Variants in PEG3 observed in about 807,000 individuals in gnomAD.
PEG3 encodes the protein paternally-expressed gene 3 protein.
PEG3 carries 23 observed loss-of-function variants against 35.5 expected under a neutral mutation model. The observed-to-expected ratio is 0.65, with a 90% CI of 0.47 to 0.92. The LOEUF is 0.92. Ranked by LOEUF, PEG3 falls within the 40% of genes least tolerant of loss-of-function variation. The probability of loss-of-function intolerance (pLI) is 0.00; values close to 1 mark genes in which losing one functional copy is unlikely to be tolerated. For synonymous variants in PEG3, 707 were observed against 697.0 expected (o/e 1.01, Z -0.23); for missense variants, 1,960 against 1,985.3 (o/e 0.99, Z 0.24).
chr19:56,810,117 T>A lies in PEG3; in HGVS notation c.*3558A>T, dbSNP rs1435126344. The A allele has an allele frequency of 2.1e-6, 2 of 953,928 alleles. No homozygotes were observed. Among genetic ancestry groups the A allele is most frequent in the African/African-American group, 3.5e-5 (2 of 56,620 alleles). The allele number at this position is 953,928 out of a possible 1,614,324, so 59.1% of individuals were successfully genotyped here. A position where few individuals can be genotyped will look rare whatever the true frequency, so the allele number is the denominator to read the frequency against. ...ACTTTATTTTTATTGTTGACACTAT[T>A]ACAGATAGAATGACCACAACCATAT... On this transcript the variant is annotated 3_prime_UTR_variant, in exon 10 of 10. Coordinates refer to ENST00000326441, the MANE Select transcript of PEG3 (RefSeq NM_006210.3).
intron 2 of PEG3, among the ~76,000 whole-genome samples, chr19:56,827,262 T>A (rs892586189): frequency 2.6e-5 from 4 of 152,094 alleles, no homozygotes; most frequent in Non-Finnish European, 5.9e-5. Flanking sequence ...CCAAAAAAAA[T>A]AAAACACATT....
Position 56,816,030 on chromosome 19 carries a change from C to T in PEG3, c.2412G>A (p.Glu804=). Residue 804 remains glutamate (E), a synonymous_variant, in exon 10 of 10, where the codon GAG becomes GAA. Coordinates refer to ENST00000326441, the MANE Select transcript of PEG3 (RefSeq NM_006210.3). The stretch of plus-strand genomic sequence containing the variant: ...TAGCATCGAAGCTCTGAATGGTAGA[C>T]TCTGCCATTACTTTTGGTTTACTGG... ...AGPSKPKVMA[E]STIQSFDAIN... is the part of the protein sequence containing the mutation. 1 of 1,594,480 alleles carries T rather than the reference C, an allele frequency of 6.3e-7. No individual in the cohort carries two copies. Among genetic ancestry groups the T allele is most frequent in the South Asian group, 1.1e-5 (1 of 87,406 alleles).
rs780927097 is a variant in PEG3 at position 56,814,962 on chromosome 19, C to G, written c.3480G>C (p.Glu1160Asp). 4 of 1,614,094 alleles carry G rather than the reference C, an allele frequency of 2.5e-6. No homozygotes were observed. The highest frequency in any genetic ancestry group is 3.4e-6 in the Non-Finnish European group (4 of 1,179,952). ...CACACTTTGGACATTCATACAGCTG[C>G]TCTCCAGTGTAATCTCTCTGATACT... ...ISEYQRDYTGEQLYECPKCGE... is the reference protein window; with the variant it reads ...ISEYQRDYTGDQLYECPKCGE... The change falls in exon 10 of 10, where the codon GAG becomes GAC. Residue 1160 changes from glutamate (E) to aspartate (D), a missense_variant. Glu to Asp is a conservative substitution (Grantham distance 45). Coordinates refer to ENST00000326441, the MANE Select transcript of PEG3 (RefSeq NM_006210.3). The surrounding 1 kb of genome is among the most constrained non-coding windows in gnomAD (Gnocchi z 5.8).
chr19:56,829,761 C>A (rs2061407046), intron 2 of PEG3, among the ~76,000 whole-genome samples: 1 of 152,228 alleles, frequency 6.6e-6, no homozygotes, highest in African/African-American at 2.4e-5. Context: ...GAAATTTGCA[C>A]CTGCCAGGGC....
intron 2 of PEG3, among the ~76,000 whole-genome samples, chr19:56,829,923 T>C (rs1474656636): frequency 1.3e-5 from 2 of 152,130 alleles, no homozygotes; most frequent in Non-Finnish European, 2.9e-5. Flanking sequence ...CGCCTACCAC[T>C]GAAGAAAACA....
At position 56,811,186 on chromosome 19, in the gene PEG3, T is replaced by C. The variant is rs1179833794; in HGVS notation, c.*2489A>G. 1.0e-6 allele frequency: 1 copy of C among 974,562 alleles called. No individual in the cohort carries two copies. The highest frequency in any genetic ancestry group is 1.2e-6 in the Non-Finnish European group (1 of 820,182). 60.4% of individuals were successfully genotyped at this position (974,562 alleles called of 1,614,324 possible). ...ACAATGAAAATGTGATCATAAACTT[T>C]TTAGTAACACTACCATAAAGAACAT... is the stretch of plus-strand genomic sequence containing the variant. On this transcript the variant is annotated 3_prime_UTR_variant, in exon 10 of 10. Transcript: ENST00000326441.
Position 56,812,726 on chromosome 19 carries a change from T to C in PEG3, c.*949A>G, listed in dbSNP as rs1568605959. The C allele has an allele frequency of 1.0e-6, 1 of 984,176 alleles. No homozygotes were observed. The highest frequency in any genetic ancestry group is 1.8e-5 in the African/African-American group (1 of 57,036). The allele number at this position is 984,176 out of a possible 1,614,324, so 61.0% of individuals were successfully genotyped here. A position where few individuals can be genotyped will look rare whatever the true frequency, so the allele number is the denominator to read the frequency against. ...CACTACTGTGATCTAGTGATGGTTG[T>C]AACCCATTCTTTAAAGGCAAAGATG... On this transcript the variant is annotated 3_prime_UTR_variant, in exon 10 of 10. Coordinates refer to ENST00000326441, the MANE Select transcript of PEG3 (RefSeq NM_006210.3).
rs1196985371 is a variant in PEG3, at chr19:56,840,626, CGCACCCTCATGGCGCCCG to C, written c.-312_-295del. The C allele has an allele frequency of 6.6e-6, 1 of 152,658 alleles. No homozygotes were observed. The highest frequency in any genetic ancestry group is 1.5e-5 in the Non-Finnish European group (1 of 68,398). 9.5% of individuals were successfully genotyped at this position (152,658 alleles called of 1,614,324 possible). A position where few individuals can be genotyped will look rare whatever the true frequency, so the allele number is the denominator to read the frequency against. ...GCCTCGGGCACGAACAGCCGCCTAGCGCACCCTCATGGCGCCCGGCGCCCGGCGGCGCCACCAGCCCAG... is the reference window on the plus strand; with the variant it reads ...GCCTCGGGCACGAACAGCCGCCTAGCGCGCCCGGCGGCGCCACCAGCCCAG... On this transcript the variant is annotated 5_prime_UTR_variant, in exon 1 of 10. The change abolishes an upstream ATG in the 5' untranslated region. Coordinates refer to ENST00000326441, the MANE Select transcript of PEG3 (RefSeq NM_006210.3).
In PEG3 at chr19:56,814,171, C is replaced by A; in HGVS notation, c.4271G>T (p.Gly1424Val). Reference protein sequence around the residue: ...EAAEPNGEAEGPDGEAAEPIG... With the variant: ...EAAEPNGEAEVPDGEAAEPIG... ...GGGCTCTGCAGCCTCTCCATCTGGCCCTTCAGCCTCTCCGTTTGGCTCAGC... is the reference window on the plus strand; with the variant it reads ...GGGCTCTGCAGCCTCTCCATCTGGCACTTCAGCCTCTCCGTTTGGCTCAGC... The change falls in exon 10 of 10, where the codon GGG becomes GTG. Residue 1424 changes from glycine to valine, a missense_variant. Transcript: ENST00000326441. This position sits in a 1 kb window ranked among gnomAD's most constrained non-coding sequence, Gnocchi z 5.8. 1 of 1,613,542 alleles carries A rather than the reference C, an allele frequency of 6.2e-7. No homozygotes were observed. Among genetic ancestry groups the A allele is most frequent in the Non-Finnish European group, 8.5e-7 (1 of 1,179,884 alleles).
rs1353742672 is a variant in PEG3, at chr19:56,813,383, ACT to A, written c.*290_*291del. The stretch of plus-strand genomic sequence containing the variant: ...TGTCATTTACAGTTGATTTGGGCAA[ACT>A]CTGTAGTCTGGAATACTCATAGGGT... On this transcript the variant is annotated 3_prime_UTR_variant, in exon 10 of 10. Transcript: ENST00000326441. 10 of 1,193,086 alleles carry A rather than the reference ACT, an allele frequency of 8.4e-6. No homozygotes were observed. The highest frequency in any genetic ancestry group is 9.4e-6 in the Non-Finnish European group (9 of 959,792). 73.9% of individuals were successfully genotyped at this position (1,193,086 alleles called of 1,614,324 possible).
At chr19:56,823,406 C>G (rs2060694187) in intron 5 of PEG3, among the ~76,000 whole-genome samples, 187 bp downstream of exon 5, 1 of 152,140 alleles carries the variant, frequency 6.6e-6, no homozygotes, top group Non-Finnish European at 1.5e-5. Context: ...TTTAAGGTGT[C>G]TGTTTAGATA....
At position 56,812,893 on chromosome 19, in the gene PEG3, GCAACCAAT is replaced by G. The variant is rs1568606870; in HGVS notation, c.*774_*781del. 1.0e-6 allele frequency: 1 copy of G among 985,174 alleles called. No homozygotes were observed. Among genetic ancestry groups the G allele is most frequent in the Non-Finnish European group, 1.2e-6 (1 of 829,840 alleles). The allele number at this position is 985,174 out of a possible 1,614,324, so 61.0% of individuals were successfully genotyped here. A position where few individuals can be genotyped will look rare whatever the true frequency, so the allele number is the denominator to read the frequency against. Reference sequence around the variant, plus strand: ...ACCACTTCAACAAACATAACATGTGGCAACCAATCAATCTGGGTCACAAAAAGCCAATC... The same window carrying G: ...ACCACTTCAACAAACATAACATGTGGCAATCTGGGTCACAAAAAGCCAATC... On this transcript the variant is annotated 3_prime_UTR_variant, in exon 10 of 10. Coordinates refer to ENST00000326441, the MANE Select transcript of PEG3 (RefSeq NM_006210.3).
rs752442028 is a variant in PEG3 at position 56,817,861 on chromosome 19, G to A, written c.773-26C>T. 2.3e-5 allele frequency: 36 copies of A among 1,592,414 alleles called. No homozygotes were observed. In the Middle Eastern group the frequency reaches 1.2e-3, roughly 52 times the overall value. ...CTCCTGGTCACAAGGACAATATGAT[G>A]CCTCAAATTCAAGTTGAGGACCAAG... On this transcript the variant is annotated intron_variant, in intron 8 of 9. Coordinates refer to ENST00000326441, the MANE Select transcript of PEG3 (RefSeq NM_006210.3).
rs748399691 is a variant in PEG3 at position 56,815,512 on chromosome 19, C to T, written c.2930G>A (p.Cys977Tyr). The T allele has an allele frequency of 6.2e-7, 1 of 1,614,104 alleles. No individual in the cohort carries two copies. Among genetic ancestry groups the T allele is most frequent in the Non-Finnish European group, 8.5e-7 (1 of 1,179,998 alleles). ...MLYECQECGECFAHSSDLTEH... is the reference protein window; with the variant it reads ...MLYECQECGEYFAHSSDLTEH... Reference sequence around the variant, plus strand: ...AGTGAGGTCAGAGCTATGAGCAAAGCACTCCCCACACTCCTGACATTCATA... The same window carrying T: ...AGTGAGGTCAGAGCTATGAGCAAAGTACTCCCCACACTCCTGACATTCATA... Residue 977 changes from cysteine (C) to tyrosine (Y), a missense_variant, in exon 10 of 10, where the codon TGC becomes TAC. Around this residue, in one of 5 missense-constraint regions of PEG3, gnomAD observed 798 missense variants for 782.4 expected, o/e 1.02. Coordinates refer to ENST00000326441, the MANE Select transcript of PEG3 (RefSeq NM_006210.3).
At chr19:56,830,310 T>C (rs1308260169) in intron 2 of PEG3, among the ~76,000 whole-genome samples, 1 of 152,178 alleles carries the variant, frequency 6.6e-6, no homozygotes, top group Non-Finnish European at 1.5e-5. Context: ...ACAAGGAGGA[T>C]GTCCCATCAG....
rs777331175 is a variant in PEG3, at chr19:56,813,729, C to T, written c.4713G>A (p.Gln1571=). The T allele has an allele frequency of 5.0e-6, 8 of 1,614,078 alleles. No individual in the cohort carries two copies. In the East Asian group the frequency reaches 1.6e-4, roughly 31 times the overall value. The change falls in exon 10 of 10, where the codon CAG becomes CAA. Residue 1571 remains glutamine, a synonymous_variant. Coordinates refer to ENST00000326441, the MANE Select transcript of PEG3 (RefSeq NM_006210.3). ...EKYFKCDVCG[Q]LFNDRLSLAR... ...CGAGGGACAGGCGGTCATTGAAGAG[C>T]TGCCCACAGACGTCACATTTGAAGT...
chr19:56,830,547 A>G lies in PEG3; in HGVS notation c.-162-4084T>C, dbSNP rs555628954. Reference sequence around the variant, plus strand: ...AAGTGGGGACAAGGAAGGGACAGCTATACCACAACTACAATTTAACATGAC... The same window carrying G: ...AAGTGGGGACAAGGAAGGGACAGCTGTACCACAACTACAATTTAACATGAC... On this transcript the variant is annotated intron_variant, in intron 2 of 9. Coordinates refer to ENST00000326441, the MANE Select transcript of PEG3 (RefSeq NM_006210.3). Among the ~76,000 whole-genome samples the G allele has an allele frequency of 3.9e-5, 6 of 152,354 alleles. No homozygotes were observed. In the South Asian group the frequency reaches 1.2e-3, roughly 32 times the overall value.
At chr19:56,834,309 G>A (rs2061862185) in intron 2 of PEG3, among the ~76,000 whole-genome samples, 1 of 152,102 alleles carries the variant, frequency 6.6e-6, no homozygotes, top group South Asian at 2.1e-4. Context: ...CGATATCTTG[G>A]TAACCCTAAG....
In PEG3 at chr19:56,811,384, C is replaced by T. The variant is rs1009316236; in HGVS notation, c.*2291G>A. ...GAGTTATAACTGTAGTATAAATATA[C>T]TTTCGTGTCCTGCTTTCTCCACTTA... On this transcript the variant is annotated 3_prime_UTR_variant, in exon 10 of 10. Transcript: ENST00000326441. 3.6e-5 allele frequency: 31 copies of T among 868,678 alleles called. No individual in the cohort carries two copies. Among genetic ancestry groups the T allele is most frequent in the Admixed American group, 6.2e-5 (1 of 16,080 alleles). The allele number at this position is 868,678 out of a possible 1,614,324, so 53.8% of individuals were successfully genotyped here.
Sources: gnomAD v4.1 joint callset for allele counts (sites outside exome capture counted in the v4.1 genomes callset) on GRCh38, gnomAD v4.1.1 for gene constraint, gnomAD v4.1.1 regional missense constraint, Gnocchi (gnomAD v3.1) non-coding constraint, MANE v1.5 for transcripts, NCBI Gene and HGNC (gene_info 2026-07-23, HGNC 2026-07-21) for gene names.